Variants in NELL1 observed in about 807,000 individuals in gnomAD.
The protein encoded by NELL1 is neural EGFL like 1.
A neutral mutation model predicts 107.4 loss-of-function variants in NELL1; 76 were observed. The ratio of observed to expected loss-of-function variants is 0.71; its 90% CI spans 0.59 to 0.86. The LOEUF is 0.86. Among genes scored for constraint, NELL1 ranks in the 40% least tolerant of loss-of-function variants. NELL1 has a pLI of 0.00. For missense variants in NELL1, 1,024 were observed against 1,005.5 expected (o/e 1.02, Z -0.25); for synonymous variants, 353 against 341.2 (o/e 1.03, Z -0.38).
intron 12 of NELL1, among the ~76,000 whole-genome samples, chr11:21,100,997 A>G (rs1478985224): frequency 7.6e-6 from 1 of 131,170 alleles, no homozygotes; most frequent in Non-Finnish European, 1.6e-5. Flanking sequence ...CACTCCCCCA[A>G]CCCCACAGCA....
chr11:21,207,075 G>A (rs182064303), intron 13 of NELL1, among the ~76,000 whole-genome samples: 141 of 152,238 alleles, frequency 9.3e-4, no homozygotes, highest in African/African-American at 3.4e-3. Flanking sequence ...TGGACTAGGT[G>A]ACTTAAAAGA....
chr11:20,991,020 T>C (rs577040185), intron 12 of NELL1, among the ~76,000 whole-genome samples: 1 of 152,292 alleles, frequency 6.6e-6, no homozygotes, highest in Admixed American at 6.5e-5. Context: ...GAAAACCAAC[T>C]CTGGTGTTTG....
intron 14 of NELL1, among the ~76,000 whole-genome samples, chr11:21,299,203 T>C (rs769638116): frequency 2.0e-5 from 3 of 152,004 alleles, no homozygotes; most frequent in Non-Finnish European, 4.4e-5. Flanking sequence ...TATTAAGCTA[T>C]TTTCAGCTTT....
At chr11:21,175,873 T>C (rs1856701930) in intron 13 of NELL1, among the ~76,000 whole-genome samples, 1 of 151,896 alleles carries the variant, frequency 6.6e-6, no homozygotes, top group Non-Finnish European at 1.5e-5. Context: ...AATTTTGCCT[T>C]ACAATGTGGG....
intron 2 of NELL1, among the ~76,000 whole-genome samples, chr11:20,774,726 T>C (rs1856715330): frequency 6.6e-6 from 1 of 152,170 alleles, no homozygotes; most frequent in African/African-American, 2.4e-5. Flanking sequence ...AATGAGCGGA[T>C]GGGTGGTTAG....
At chr11:20,765,513 T>C (rs2133962366) in intron 2 of NELL1, among the ~76,000 whole-genome samples, 1 of 152,256 alleles carries the variant, frequency 6.6e-6, no homozygotes, top group East Asian at 1.9e-4. Context: ...CTGCTTTAGC[T>C]GGGGGCTGGG....
At chr11:20,689,188 T>G (rs776481666) in intron 2 of NELL1, among the ~76,000 whole-genome samples, 21 of 152,132 alleles carry the variant, frequency 1.4e-4, no homozygotes, top group Non-Finnish European at 2.8e-4. Context: ...CTTTGTTGGA[T>G]GCATAGTTTG....
chr11:20,957,441 G>A (rs1590461897), intron 11 of NELL1, among the ~76,000 whole-genome samples: 1 of 152,136 alleles, frequency 6.6e-6, no homozygotes, highest in African/African-American at 2.4e-5. Context: ...AAGAAATGCA[G>A]TTTAAAAACC....
intron 15 of NELL1, among the ~76,000 whole-genome samples, chr11:21,495,506 T>C (rs981418646): frequency 2.0e-5 from 3 of 152,192 alleles, no homozygotes; most frequent in African/African-American, 7.2e-5. Context: ...TTTGTAATTC[T>C]CTTGGGTGTG....
chr11:21,036,942 C>G (rs1853107128), intron 12 of NELL1, among the ~76,000 whole-genome samples: 1 of 151,826 alleles, frequency 6.6e-6, no homozygotes, highest in African/African-American at 2.4e-5. Flanking sequence ...TCTTATTTCA[C>G]TGTTTACTCA....
At chr11:20,968,594 T>G (rs1851432330) in intron 12 of NELL1, among the ~76,000 whole-genome samples, 1 of 152,202 alleles carries the variant, frequency 6.6e-6, no homozygotes, top group African/African-American at 2.4e-5. Context: ...TGCCTTTCCT[T>G]CACTACATGA....
At chr11:21,061,814 T>G (rs1211162463) in intron 12 of NELL1, among the ~76,000 whole-genome samples, 1 of 152,194 alleles carries the variant, frequency 6.6e-6, no homozygotes, top group Non-Finnish European at 1.5e-5. Flanking sequence ...ACGTCTCCAA[T>G]TAGACTGGTA....
rs537757266 is a variant in NELL1, at chr11:21,509,414, A to G, written c.1646-24960A>G. On this transcript the variant is annotated intron_variant, in intron 15 of 19. Transcript: ENST00000357134. Reference sequence around the variant, plus strand: ...ATGTATAAAAGAACATATGAGCAGGATTGTTCATAGCTTTGTTGATTGTGA... The same window carrying G: ...ATGTATAAAAGAACATATGAGCAGGGTTGTTCATAGCTTTGTTGATTGTGA... 1.9e-4 allele frequency among the ~76,000 whole-genome samples: 29 copies of G among 152,316 alleles called. No homozygotes were observed. In the South Asian group the frequency reaches 5.0e-3, roughly 26 times the overall value.
At chr11:21,316,932 A>T (rs1849892281) in intron 14 of NELL1, among the ~76,000 whole-genome samples, 1 of 152,158 alleles carries the variant, frequency 6.6e-6, no homozygotes, top group Admixed American at 6.6e-5. Flanking sequence ...CACATACATT[A>T]TTATCCTGAT....
intron 13 of NELL1, among the ~76,000 whole-genome samples, chr11:21,213,981 C>A (rs1397371300): frequency 6.6e-6 from 1 of 152,044 alleles, no homozygotes; most frequent in Non-Finnish European, 1.5e-5. Flanking sequence ...AATTCATTGT[C>A]ATGAAAATTA....
At position 20,874,154 on chromosome 11, in the gene NELL1, G is replaced by A. The variant is rs150513343; in HGVS notation, c.507-11290G>A. On this transcript the variant is annotated intron_variant, in intron 4 of 19. Transcript: ENST00000357134. ...ACGATCACGGCTCACTGCAACCTCC[G>A]CCTCCTGGGTTTAAGCGATTCTCCT... is the stretch of plus-strand genomic sequence containing the variant. 4.6e-3 allele frequency among the ~76,000 whole-genome samples: 707 copies of A among 152,192 alleles called. 9 individuals are homozygous for A. Among genetic ancestry groups the A allele is most frequent in the African/African-American group, 0.016 (646 of 41,524 alleles).
At chr11:20,956,862 A>G (rs1216265545) in intron 11 of NELL1, among the ~76,000 whole-genome samples, 1 of 152,204 alleles carries the variant, frequency 6.6e-6, no homozygotes, top group Non-Finnish European at 1.5e-5. Context: ...GCATCTTTAT[A>G]TACTTTATCA....
chr11:21,107,382 C>A (rs945699001), intron 12 of NELL1, among the ~76,000 whole-genome samples: 13 of 152,090 alleles, frequency 8.5e-5, no homozygotes, highest in African/African-American at 3.1e-4. Flanking sequence ...ATATACCAAC[C>A]AGTTAGCCAA....
At chr11:21,025,441 A>T (rs1192137775) in intron 12 of NELL1, among the ~76,000 whole-genome samples, 2 of 151,478 alleles carry the variant, frequency 1.3e-5, no homozygotes, top group Non-Finnish European at 2.9e-5. Context: ...TCTAGAGCCC[A>T]TTTTCTTAAC....
Sources: allele counts gnomAD v4.1 joint callset (sites outside exome capture counted in the v4.1 genomes callset), GRCh38; gene constraint gnomAD v4.1.1; transcripts MANE v1.5; gene names NCBI Gene and HGNC (gene_info 2026-07-23, HGNC 2026-07-21).